MLPH: variants seen among roughly 807,000 people sequenced by gnomAD.
The protein encoded by MLPH is exophilin-3.
Under a neutral mutation model 72.1 loss-of-function variants are expected in MLPH, and 51 were observed. The ratio of observed to expected loss-of-function variants is 0.71; its 90% CI spans 0.56 to 0.89. MLPH has a LOEUF of 0.89. Among genes scored for constraint, MLPH ranks in the 40% least tolerant of loss-of-function variants. The pLI is 0.00. For synonymous variants in MLPH, 301 were observed against 310.1 expected (o/e 0.97, Z 0.31); for missense variants, 743 against 759.9 (o/e 0.98, Z 0.26).
At chr2:237,545,704 T>C in intron 12 of MLPH, 1 of 1,185,182 alleles carries the variant, frequency 8.4e-7, no homozygotes, top group Non-Finnish European at 1.1e-6. Flanking sequence ...AAAACCATCC[T>C]GATTAGGACA....
chr2:237,513,968 A>G (rs1305307438), intron 4 of MLPH, among the ~76,000 whole-genome samples: 1 of 152,214 alleles, frequency 6.6e-6, no homozygotes, highest in Non-Finnish European at 1.5e-5. Context: ...TGGACAAAAG[A>G]TTTAGAAATG....
At chr2:237,547,203 C>T (rs1206082932) in intron 13 of MLPH, among the ~76,000 whole-genome samples, 5 of 152,244 alleles carry the variant, frequency 3.3e-5, no homozygotes, top group African/African-American at 4.8e-5. Flanking sequence ...GAGACATAGG[C>T]GCTGGCTGCC....
upstream of MLPH, chr2:237,486,501 A>G (rs2079321547): frequency 6.6e-6 from 1 of 152,288 alleles, no homozygotes; most frequent in Non-Finnish European, 1.5e-5. Context: ...CTGAGCACCC[A>G]AAGGCCGGCC....
Position 237,542,595 on chromosome 2 carries a change from C to A in MLPH, c.1475C>A (p.Ala492Asp). Reference sequence around the variant, plus strand: ...TCAGACATTGAATCCAGGATTGCAGCCCTGAGGGCCGCAGGGCTCACGGTG... The same window carrying A: ...TCAGACATTGAATCCAGGATTGCAGACCTGAGGGCCGCAGGGCTCACGGTG... ...EVSDIESRIAALRAAGLTVKP... is the reference protein window; with the variant it reads ...EVSDIESRIADLRAAGLTVKP... Residue 492 changes from alanine (A) to aspartate (D), a missense_variant, in exon 12 of 16, where the codon GCC becomes GAC. By Grantham distance (126) the Ala-to-Asp change is moderately radical. Coordinates refer to ENST00000264605, the MANE Select transcript of MLPH (RefSeq NM_024101.7). The A allele has an allele frequency of 1.2e-6, 2 of 1,604,070 alleles. No homozygotes were observed. The highest frequency in any genetic ancestry group is 2.2e-5 in the South Asian group (2 of 89,134).
chr2:237,538,542 G>A (rs998854068), intron 9 of MLPH, among the ~76,000 whole-genome samples: 16 of 152,174 alleles, frequency 1.1e-4, no homozygotes, highest in Non-Finnish European at 2.1e-4. Flanking sequence ...TGGCGGCGTC[G>A]CTGTCCGACG....
chr2:237,538,299 G>A (rs2080583058), intron 9 of MLPH, among the ~76,000 whole-genome samples: 1 of 152,228 alleles, frequency 6.6e-6, no homozygotes, highest in African/African-American at 2.4e-5. Flanking sequence ...GGCCAATGAT[G>A]TGTTACTGTG....
intron 15 of MLPH, chr2:237,552,971 G>C (rs1281353416): frequency 1.0e-5 from 4 of 384,936 alleles, no homozygotes; most frequent in African/African-American, 6.4e-5. Flanking sequence ...TTATTGAAAA[G>C]AAAGTGCACT....
chr2:237,490,179 G>A (rs2079400655), intron 1 of MLPH, among the ~76,000 whole-genome samples: 3 of 152,112 alleles, frequency 2.0e-5, no homozygotes, highest in African/African-American at 7.2e-5. Context: ...ACCCCACCCA[G>A]CTAGGGCAGG....
intron 9 of MLPH, among the ~76,000 whole-genome samples, chr2:237,538,887 C>T (rs893114789): frequency 3.3e-5 from 5 of 152,202 alleles, no homozygotes; most frequent in African/African-American, 1.2e-4. Context: ...TCAAACAGGA[C>T]AGTCAGGGCG....
At chr2:237,546,260 G>A (rs1224255927) in intron 12 of MLPH, 1 of 364,236 alleles carries the variant, frequency 2.7e-6, no homozygotes, top group African/African-American at 2.1e-5. Context: ...CTATGCAGGT[G>A]AGCCTCAGGG....
At chr2:237,549,560 C>A (rs143289469) in intron 14 of MLPH, among the ~76,000 whole-genome samples, 1 of 152,196 alleles carries the variant, frequency 6.6e-6, no homozygotes, top group East Asian at 1.9e-4. Flanking sequence ...ATTGTCCTAA[C>A]GTGGTACACA....
chr2:237,545,601 C>T (rs1240733449), intron 12 of MLPH: 11 of 1,287,320 alleles, frequency 8.5e-6, no homozygotes, highest in Non-Finnish European at 1.0e-5. Context: ...ATGGATGTGA[C>T]TAGAACGGAG....
rs773620295 is a variant in MLPH, at chr2:237,545,202, GGGACAGTGGTGAGT to G, written c.1540-1401_1540-1388del. 5.6e-4 allele frequency among the ~76,000 whole-genome samples: 50 copies of G among 89,640 alleles called. 1 individual carries two copies. The highest frequency in any genetic ancestry group is 2.2e-3 in the African/African-American group (38 of 16,936). The allele number at this position is 89,640 out of a possible 152,430, so 58.8% of individuals were successfully genotyped here. A position where few individuals can be genotyped will look rare whatever the true frequency, so the allele number is the denominator to read the frequency against. ...TGAGTGGAGGGCACAGTGGTGAGTG[GGGACAGTGGTGAGT>G]GGGGACAGTGGTGAGTGGGGCACAG... On this transcript the variant is annotated intron_variant, in intron 12 of 15. Transcript: ENST00000264605.
chr2:237,540,635 C>G, intron 10 of MLPH, 102 bp downstream of exon 10: 2 of 1,502,902 alleles, frequency 1.3e-6, no homozygotes, highest in Non-Finnish European at 1.8e-6. Context: ...GCAGCACCCA[C>G]AGGAGCACAC....
At chr2:237,522,995 G>C (rs73100920) in intron 6 of MLPH, among the ~76,000 whole-genome samples, 2 of 152,024 alleles carry the variant, frequency 1.3e-5, no homozygotes, top group East Asian at 1.9e-4. Flanking sequence ...TGAAAGAGGC[G>C]GTAACCAGAA....
chr2:237,536,546 T>G (rs560217156), intron 9 of MLPH, among the ~76,000 whole-genome samples: 1 of 152,268 alleles, frequency 6.6e-6, no homozygotes, highest in Non-Finnish European at 1.5e-5. Context: ...TCCCACGGGA[T>G]GCCTCTGGAA....
In MLPH at chr2:237,546,469, G is replaced by A; in HGVS notation, c.1540-137G>A. The A allele has an allele frequency of 4.0e-6, 3 of 754,148 alleles. No individual in the cohort carries two copies. The East Asian group carries it at 8.0e-5, about 20-fold the overall frequency. The allele number at this position is 754,148 out of a possible 1,614,324, so 46.7% of individuals were successfully genotyped here. A position where few individuals can be genotyped will look rare whatever the true frequency, so the allele number is the denominator to read the frequency against. On this transcript the variant is annotated intron_variant, in intron 12 of 15. Coordinates refer to ENST00000264605, the MANE Select transcript of MLPH (RefSeq NM_024101.7). ...CAGAGTCCTGGAGCGGCATACTGGG[G>A]GTGGCTGTGCAGTCCCAGCATCCCC...
chr2:237,542,991 G>A, intron 12 of MLPH, among the ~76,000 whole-genome samples: 1 of 55,472 alleles, frequency 1.8e-5, no homozygotes, highest in Non-Finnish European at 3.1e-5. Flanking sequence ...GTGGTGAGTG[G>A]GGGCACAGTG....
At chr2:237,539,705 T>C (rs918554054) in intron 9 of MLPH, among the ~76,000 whole-genome samples, 4 of 152,192 alleles carry the variant, frequency 2.6e-5, no homozygotes, top group African/African-American at 9.6e-5. Context: ...TGAGTTCTTA[T>C]AACTTGCAGG....
Sources: allele counts gnomAD v4.1 joint callset (sites outside exome capture counted in the v4.1 genomes callset), GRCh38; gene constraint gnomAD v4.1.1; transcripts MANE v1.5; gene names NCBI Gene and HGNC (gene_info 2026-07-23, HGNC 2026-07-21).